Variants in PRR16 observed in about 807,000 individuals in gnomAD.
The protein encoded by PRR16 is proline rich 16.
PRR16 carries 6 observed loss-of-function variants against 18.2 expected under a neutral mutation model. The observed-to-expected ratio is 0.33, with a 90% CI of 0.18 to 0.65. The LOEUF is 0.65. PRR16 is among the 30% of genes least tolerant of loss of function. PRR16 has a pLI of 0.74. For synonymous variants in PRR16, 151 were observed against 147.8 expected (o/e 1.02, Z -0.16); for missense variants, 412 against 376.6 (o/e 1.09, Z -0.78).
chr5:120,645,050 A>G (rs1344160338), intron 1 of PRR16, among the ~76,000 whole-genome samples: 1 of 152,120 alleles, frequency 6.6e-6, no homozygotes, highest in Non-Finnish European at 1.5e-5. Context: ...TCTGGAGGTC[A>G]GTTATTTGCA....
chr5:120,712,060 A>G, the PRR16 span, among the ~76,000 whole-genome samples: 13,741 of 152,180 alleles, frequency 0.09, 1,931 homozygotes, highest in African/African-American at 0.3. Flanking sequence ...TGCTCTGTAT[A>G]TCACTAATGA....
At chr5:120,780,404 T>C in the PRR16 span, among the ~76,000 whole-genome samples, 6 of 151,786 alleles carry the variant, frequency 4.0e-5, no homozygotes, top group African/African-American at 1.4e-4. Context: ...TGATCTTAAC[T>C]AATTTAATTG....
chr5:120,509,096 T>C (rs1314071144), intron 1 of PRR16, among the ~76,000 whole-genome samples: 1 of 152,156 alleles, frequency 6.6e-6, no homozygotes, highest in Non-Finnish European at 1.5e-5. Flanking sequence ...ATGTTGCCTG[T>C]GAATCTCGAT....
At chr5:120,518,680 C>A (rs2405952) in intron 1 of PRR16, among the ~76,000 whole-genome samples, 10,016 of 152,042 alleles carry the variant, frequency 0.066, 728 homozygotes, top group African/African-American at 0.18. Flanking sequence ...CATTTCCAAC[C>A]CCCTTTGTAG....
At chr5:120,661,747 C>G (rs1351603539) in intron 1 of PRR16, among the ~76,000 whole-genome samples, 3 of 152,032 alleles carry the variant, frequency 2.0e-5, no homozygotes, top group Non-Finnish European at 1.5e-5. Flanking sequence ...CACCTAAAAT[C>G]TGTATTTCCA....
In PRR16 at chr5:120,517,535, G is replaced by A. The variant is rs574144725; in HGVS notation, c.159+52890G>A. Among the ~76,000 whole-genome samples, 17 of 152,098 alleles carry A rather than the reference G, an allele frequency of 1.1e-4. No individual in the cohort carries two copies. The South Asian group carries it at 1.7e-3, about 15-fold the overall frequency. ...TATTCTTCTTTAAAGAACATAAATC[G>A]TAAGGAAAGAAACATTTGATGTTGA... is the stretch of plus-strand genomic sequence containing the variant. On this transcript the variant is annotated intron_variant, in intron 1 of 1. Coordinates refer to ENST00000407149, the MANE Select transcript of PRR16 (RefSeq NM_001300783.2).
At chr5:120,521,688 A>G (rs1162418809) in intron 1 of PRR16, among the ~76,000 whole-genome samples, 1 of 151,762 alleles carries the variant, frequency 6.6e-6, no homozygotes, top group African/African-American at 2.4e-5. Context: ...TTTTTTTATT[A>G]TACTTTAAGT....
intron 1 of PRR16, among the ~76,000 whole-genome samples, chr5:120,662,363 G>A (rs960111268): frequency 1.3e-5 from 2 of 152,006 alleles, no homozygotes; most frequent in Non-Finnish European, 2.9e-5. Flanking sequence ...TAACTCAGTT[G>A]CAATCATGTC....
At chr5:120,622,635 T>C (rs1472392155) in intron 1 of PRR16, among the ~76,000 whole-genome samples, 1 of 152,072 alleles carries the variant, frequency 6.6e-6, no homozygotes, top group South Asian at 2.1e-4. Context: ...TGCGCCACCA[T>C]GCCTTGCTAA....
chr5:120,479,135 C>T (rs908223550), intron 1 of PRR16, among the ~76,000 whole-genome samples: 3 of 152,168 alleles, frequency 2.0e-5, no homozygotes, highest in African/African-American at 7.2e-5. Flanking sequence ...GTACTACAGT[C>T]GTTAAGGTAG....
At chr5:120,682,827 T>G (rs1757011663) in intron 1 of PRR16, among the ~76,000 whole-genome samples, 1 of 152,162 alleles carries the variant, frequency 6.6e-6, no homozygotes, top group Admixed American at 6.5e-5. Flanking sequence ...CTTCCAAGAA[T>G]CAAATTGGAG....
chr5:120,618,792 C>T (rs1264939605), intron 1 of PRR16, among the ~76,000 whole-genome samples: 1 of 151,326 alleles, frequency 6.6e-6, no homozygotes, highest in Non-Finnish European at 1.5e-5. Flanking sequence ...CACCTCGAAG[C>T]TATACAACTC....
At chr5:120,768,645 G>A in the PRR16 span, among the ~76,000 whole-genome samples, 2 of 151,590 alleles carry the variant, frequency 1.3e-5, no homozygotes, top group African/African-American at 4.8e-5. Flanking sequence ...GAAAAACAAA[G>A]GTTTGCAGAA....
intron 1 of PRR16, among the ~76,000 whole-genome samples, chr5:120,593,576 A>G (rs980225742): frequency 8.5e-5 from 13 of 152,078 alleles, no homozygotes; most frequent in Admixed American, 5.2e-4. Flanking sequence ...CAGATGTACA[A>G]AAAAAGAGCT....
At chr5:120,754,456 T>TATATATATATATA in the PRR16 span, among the ~76,000 whole-genome samples, 1 of 28,354 alleles carries the variant, frequency 3.5e-5, no homozygotes, top group Non-Finnish European at 6.2e-5. Context: ...TATTATATAA[T>TATATATATATATA]ATATAGTATA....
intron 1 of PRR16, among the ~76,000 whole-genome samples, chr5:120,522,690 C>G (rs905126027): frequency 6.6e-6 from 1 of 152,210 alleles, no homozygotes; most frequent in Admixed American, 6.5e-5. Flanking sequence ...ACTGCAAGCT[C>G]TGCCTCCCAG....
intron 1 of PRR16, among the ~76,000 whole-genome samples, chr5:120,537,123 T>G (rs1253184735): frequency 2.7e-5 from 4 of 150,614 alleles, no homozygotes; most frequent in South Asian, 4.1e-4. Flanking sequence ...TGGAATAATC[T>G]GTACAACAAA....
intron 1 of PRR16, among the ~76,000 whole-genome samples, chr5:120,467,704 TAATC>T (rs1296522641): frequency 1.3e-5 from 2 of 152,154 alleles, no homozygotes; most frequent in Non-Finnish European, 2.9e-5. Context: ...TATAATTACT[TAATC>T]AGTTATAATT....
At chr5:120,697,903 G>A in the PRR16 span, among the ~76,000 whole-genome samples, 1 of 152,086 alleles carries the variant, frequency 6.6e-6, no homozygotes, top group African/African-American at 2.4e-5. Flanking sequence ...TTTTGTGGTG[G>A]AATGTCATCA....
Sources: allele counts gnomAD v4.1 joint callset (sites outside exome capture counted in the v4.1 genomes callset), GRCh38; gene constraint gnomAD v4.1.1; transcripts MANE v1.5; gene names NCBI Gene and HGNC (gene_info 2026-07-23, HGNC 2026-07-21).